Variants in ABL1 observed in about 807,000 individuals in gnomAD.
The protein encoded by ABL1 is tyrosine-protein kinase ABL1.
In ABL1, 11 loss-of-function variants were observed where a neutral mutation model predicts 94.7. The ratio of observed to expected loss-of-function variants is 0.12; its 90% CI spans 0.07 to 0.19. ABL1 has a LOEUF of 0.19. Among genes scored for constraint, ABL1 ranks in the 10% least tolerant of loss-of-function variants. ABL1 has a pLI of 1.00. For synonymous variants in ABL1, 656 were observed against 622.4 expected, an observed-to-expected ratio of 1.05 and a Z score of -0.80; for missense variants, 1,082 against 1,489.4, an observed-to-expected ratio of 0.73 and a Z score of 4.50.
rs139663311 is a variant in ABL1 at position 130,718,118 on chromosome 9, A to T, written c.136+3663A>T. Among the ~76,000 whole-genome samples, 743 of 152,012 alleles carry T rather than the reference A, an allele frequency of 4.9e-3. 6 individuals carry two copies. Among genetic ancestry groups the T allele is most frequent in the African/African-American group, 0.017 (716 of 41,488 alleles). On this transcript the variant is annotated intron_variant, in intron 1 of 10. Transcript: ENST00000372348. ...GGATCACTTGAGGTCAGTAGTTCGAAACTGGCCTGGCCAACGTGATGAAAC... is the reference window on the plus strand; with the variant it reads ...GGATCACTTGAGGTCAGTAGTTCGATACTGGCCTGGCCAACGTGATGAAAC...
chr9:130,791,387 G>C (rs1169013900), intron 1 of ABL1, among the ~76,000 whole-genome samples: 1 of 152,196 alleles, frequency 6.6e-6, no homozygotes, highest in Non-Finnish European at 1.5e-5. Context: ...ATTCATCACT[G>C]TGATGGTTAA....
chr9:130,715,743 C>T (rs1306217871), intron 1 of ABL1, among the ~76,000 whole-genome samples: 2 of 152,262 alleles, frequency 1.3e-5, no homozygotes, highest in East Asian at 1.9e-4. Context: ...TTGAAATGTA[C>T]GTGCCAATGA....
At chr9:130,794,208 A>G (rs1186058711) in intron 1 of ABL1, among the ~76,000 whole-genome samples, 1 of 152,208 alleles carries the variant, frequency 6.6e-6, no homozygotes, top group Non-Finnish European at 1.5e-5. Flanking sequence ...AGGGTTGGGG[A>G]CTGTTGCCAT....
chr9:130,729,539 G>A (rs1189556506), intron 1 of ABL1, among the ~76,000 whole-genome samples: 1 of 152,218 alleles, frequency 6.6e-6, no homozygotes, highest in African/African-American at 2.4e-5. Context: ...CAGGCAGGAA[G>A]TTGGAAGCAA....
chr9:130,778,018 T>A (rs1829691488), intron 1 of ABL1, among the ~76,000 whole-genome samples: 1 of 129,198 alleles, frequency 7.7e-6, no homozygotes, highest in African/African-American at 3.0e-5. Flanking sequence ...CATTAGTACT[T>A]TCTAGACTGT....
At chr9:130,727,384 TGAGA>T (rs1267471722) in intron 1 of ABL1, among the ~76,000 whole-genome samples, 1 of 152,136 alleles carries the variant, frequency 6.6e-6, no homozygotes, top group East Asian at 1.9e-4. Context: ...TCTTTTTTAC[TGAGA>T]GAGTGATGCT....
Position 130,784,114 on chromosome 9 carries a change from T to A in ABL1, c.136+69659T>A, listed in dbSNP as rs7852578. On this transcript the variant is annotated intron_variant, in intron 1 of 10. Transcript: ENST00000372348. ...TAAAATGTACATTATTTCTCATTTT[T>A]AAAAAAAATCTCTAAAATCAGGGTA... Among the ~76,000 whole-genome samples, 229 of 152,050 alleles carry A rather than the reference T, an allele frequency of 1.5e-3. 2 individuals carry two copies. In the Middle Eastern group the frequency reaches 0.017, roughly 11 times the overall value.
rs11244122 is a variant in ABL1, at chr9:130,754,682, G to C, written c.136+40227G>C. On this transcript the variant is annotated intron_variant, in intron 1 of 10. Coordinates refer to the ABL1 transcript ENST00000372348. ...TGAGAGCAATCAAGTAATGGGGGGG[G>C]CTTGGAAGCCAGTGATTATTGGTCA... 8.8e-3 allele frequency among the ~76,000 whole-genome samples: 1,340 copies of C among 151,684 alleles called. 26 individuals are homozygous for C. Among genetic ancestry groups the C allele is most frequent in the African/African-American group, 0.031 (1,269 of 41,330 alleles).
chr9:130,727,720 C>T (rs973994889), intron 1 of ABL1, among the ~76,000 whole-genome samples: 4 of 148,148 alleles, frequency 2.7e-5, no homozygotes, highest in African/African-American at 7.6e-5. Context: ...CGCGCCATTG[C>T]ACTCCAGCCT....
At chr9:130,800,126 C>G (rs1298521159) in intron 1 of ABL1, among the ~76,000 whole-genome samples, 1 of 152,082 alleles carries the variant, frequency 6.6e-6, no homozygotes, top group Non-Finnish European at 1.5e-5. Context: ...CACGCCTCAG[C>G]CTTCCAAAGT....
At chr9:130,738,973 C>T (rs184568392) in intron 1 of ABL1, among the ~76,000 whole-genome samples, 7 of 152,308 alleles carry the variant, frequency 4.6e-5, no homozygotes, top group Non-Finnish European at 1.0e-4. Context: ...ACCCCCACCT[C>T]CCTCGTTCAA....
chr9:130,822,808 T>C (rs1263184266), intron 1 of ABL1, among the ~76,000 whole-genome samples: 1 of 152,060 alleles, frequency 6.6e-6, no homozygotes, highest in Non-Finnish European at 1.5e-5. Context: ...CAAGTTCTTT[T>C]TTTTTTCGAG....
intron 1 of ABL1, among the ~76,000 whole-genome samples, chr9:130,742,046 C>T (rs548885875): frequency 2.6e-5 from 4 of 152,200 alleles, no homozygotes; most frequent in African/African-American, 9.6e-5. Flanking sequence ...GGAACCTAGC[C>T]TTGTGACCTT....
intron 1 of ABL1, among the ~76,000 whole-genome samples, chr9:130,718,256 T>A (rs1398360985): frequency 6.9e-6 from 1 of 145,930 alleles, no homozygotes; most frequent in Non-Finnish European, 1.5e-5. Context: ...GGGAAGAGGT[T>A]GCAGTGACCT....
chr9:130,877,044 G>A lies in ABL1; in HGVS notation c.1271-1371G>A, dbSNP rs140890373. On this transcript the variant is annotated intron_variant, in intron 7 of 10. Coordinates refer to ENST00000318560, the MANE Select transcript of ABL1 (RefSeq NM_005157.6). ...AATACCCTTCAGTGGTGGCCAATTA[G>A]GTTTTTGCTGTCATTGGTGGTATTA... 1.4e-5 allele frequency among the ~76,000 whole-genome samples: 2 copies of A among 148,078 alleles called. 1 individual carries two copies. The highest frequency in any genetic ancestry group is 1.3e-4 in the Admixed American group (2 of 14,940).
chr9:130,858,779 A>C (rs561847409), intron 3 of ABL1, among the ~76,000 whole-genome samples: 1 of 152,320 alleles, frequency 6.6e-6, no homozygotes, highest in African/African-American at 2.4e-5. Flanking sequence ...TTATTTTTAA[A>C]TTAGCTCATC....
chr9:130,840,651 T>C (rs927877046), intron 1 of ABL1, among the ~76,000 whole-genome samples: 1 of 152,222 alleles, frequency 6.6e-6, no homozygotes, highest in Admixed American at 6.5e-5. Context: ...GGTTTGTTTG[T>C]TCTTTTTTAG....
At chr9:130,866,149 A>G (rs151252405) in intron 4 of ABL1, among the ~76,000 whole-genome samples, 2 of 152,260 alleles carry the variant, frequency 1.3e-5, no homozygotes, top group African/African-American at 2.4e-5. Context: ...CCCTGTATCA[A>G]CATTTTAATG....
At position 130,852,999 on chromosome 9, in the gene ABL1, A is replaced by C. The variant is rs552064545; in HGVS notation, c.80-1065A>C. 2.6e-5 allele frequency among the ~76,000 whole-genome samples: 4 copies of C among 152,214 alleles called. 1 individual carries two copies. The East Asian group carries it at 7.7e-4, about 29-fold the overall frequency. On this transcript the variant is annotated intron_variant, in intron 1 of 10. Coordinates refer to ENST00000318560, the MANE Select transcript of ABL1 (RefSeq NM_005157.6). Reference sequence around the variant, plus strand: ...GAGACGCTGTCCTAGTTGGAAGAACAGGCAGTGAAGGTGTGCGTCTGTTAC... The same window carrying C: ...GAGACGCTGTCCTAGTTGGAAGAACCGGCAGTGAAGGTGTGCGTCTGTTAC...
Sources: gnomAD v4.1 joint callset for allele counts (sites outside exome capture counted in the v4.1 genomes callset) on GRCh38, gnomAD v4.1.1 for gene constraint, MANE v1.5 for transcripts, NCBI Gene and HGNC (gene_info 2026-07-23, HGNC 2026-07-21) for gene names.